Variants in IQCH observed in about 807,000 individuals in gnomAD.
The protein encoded by IQCH is IQ motif containing H, also known as IQ domain-containing protein H.
Under a neutral mutation model 117.0 loss-of-function variants are expected in IQCH, and 98 were observed. That is an observed-to-expected ratio of 0.84 (90% CI 0.71 to 0.99). The LOEUF is 0.99. Ranked by LOEUF, IQCH falls within the 50% of genes least tolerant of loss-of-function variation. The pLI, the probability that IQCH is intolerant of heterozygous loss-of-function variation, is 0.00. For synonymous variants in IQCH, 412 were observed against 448.2 expected, an observed-to-expected ratio of 0.92 and a Z score of 1.02; for missense variants, 1,102 against 1,243.8, an observed-to-expected ratio of 0.89 and a Z score of 1.72.
rs187859323 is a variant in IQCH, at chr15:67,389,475, C to G, written c.1632+469C>G. On this transcript the variant is annotated intron_variant, in intron 12 of 20. Coordinates refer to ENST00000335894, the MANE Select transcript of IQCH (RefSeq NM_001031715.3). ...CAGATGGTTCCTAATGAACAATGTT[C>G]AGGTTTTTTTTTTTTAATTGGGCTG... Among the ~76,000 whole-genome samples, 264 of 151,716 alleles carry G rather than the reference C, an allele frequency of 1.7e-3. 1 individual carries two copies. Among genetic ancestry groups the G allele is most frequent in the African/African-American group, 6.2e-3 (256 of 41,358 alleles).
intron 4 of IQCH, among the ~76,000 whole-genome samples, chr15:67,295,373 G>A (rs1370752848): frequency 6.6e-6 from 1 of 152,212 alleles, no homozygotes; most frequent in African/African-American, 2.4e-5. Context: ...ACTGGCTAAT[G>A]AAATGTAAGG....
At position 67,476,266 on chromosome 15, in the gene IQCH, C is replaced by T. The variant is rs1450392184; in HGVS notation, c.2799+448C>T. 6.6e-6 allele frequency among the ~76,000 whole-genome samples: 1 copy of T among 152,246 alleles called. No homozygotes were observed. The highest frequency in any genetic ancestry group is 1.9e-4 in the East Asian group (1 of 5,200). On this transcript the variant is annotated intron_variant, in intron 18 of 20. Transcript: ENST00000335894. The surrounding 1 kb of genome is among the most constrained non-coding windows in gnomAD (Gnocchi z 4.1). The stretch of plus-strand genomic sequence containing the variant: ...TCTCACTGTCTGGCAGCTGGTACAT[C>T]CAAGGACAAGGCACTAGCAGATTTG...
rs2081360014 is a variant in IQCH at position 67,408,319 on chromosome 15, G to T, written c.2097+8014G>T. The T allele has an allele frequency of 2.6e-5, 4 of 152,222 alleles. No homozygotes were observed. The highest frequency in any genetic ancestry group is 2.6e-4 in the Admixed American group (4 of 15,282). The allele number at this position is 152,222 out of a possible 1,614,324, so 9.4% of individuals were successfully genotyped here. On this transcript the variant is annotated intron_variant, in intron 14 of 20. Coordinates refer to ENST00000335894, the MANE Select transcript of IQCH (RefSeq NM_001031715.3). This position sits in a 1 kb window ranked among gnomAD's most constrained non-coding sequence, Gnocchi z 4.2. ...GTTTTACTCTCCTCTGACGGTGACTGCGCCATTTGCTTCTGGTCGTCTGTC... is the reference window on the plus strand; with the variant it reads ...GTTTTACTCTCCTCTGACGGTGACTTCGCCATTTGCTTCTGGTCGTCTGTC...
chr15:67,319,724 A>G (rs9806377), intron 4 of IQCH, among the ~76,000 whole-genome samples: 30,749 of 152,180 alleles, frequency 0.2, 3,965 homozygotes, highest in East Asian at 0.47. Context: ...TACTCAGAGC[A>G]TATTAGAGAC....
chr15:67,361,070 G>A (rs932475467), intron 8 of IQCH, among the ~76,000 whole-genome samples: 2 of 152,222 alleles, frequency 1.3e-5, no homozygotes, highest in African/African-American at 4.8e-5. Context: ...AACCGTCATA[G>A]CAGGCAGAAC....
Position 67,389,020 on chromosome 15 carries a change from C to G in IQCH, c.1632+14C>G. 1.2e-6 allele frequency: 2 copies of G among 1,604,922 alleles called. No individual in the cohort carries two copies. The highest frequency in any genetic ancestry group is 1.7e-6 in the Non-Finnish European group (2 of 1,172,856). ...AACATCTTCCCTGTGAGTTTGTGTTCTAATTACTATGGTTTCAGGGATGCA... is the reference window on the plus strand; with the variant it reads ...AACATCTTCCCTGTGAGTTTGTGTTGTAATTACTATGGTTTCAGGGATGCA... On this transcript the variant is annotated intron_variant, in intron 12 of 20. Transcript: ENST00000335894.
chr15:67,325,284 T>C (rs1968355505), intron 4 of IQCH, among the ~76,000 whole-genome samples: 1 of 152,168 alleles, frequency 6.6e-6, no homozygotes, highest in Admixed American at 6.5e-5. Flanking sequence ...TTAATTTCTC[T>C]GCCAAGATTT....
intron 1 of IQCH, chr15:67,255,205 C>A: frequency 3.7e-6 from 2 of 545,178 alleles, no homozygotes; most frequent in Non-Finnish European, 6.6e-6. Context: ...TCACCCGGAA[C>A]CTTTACTTCA....
At chr15:67,492,687 G>C (rs895126436) in intron 19 of IQCH, among the ~76,000 whole-genome samples, 7 of 152,166 alleles carry the variant, frequency 4.6e-5, no homozygotes, top group Admixed American at 4.6e-4. Flanking sequence ...TGACACTCAG[G>C]AGCAGGACGT....
chr15:67,309,444 C>G (rs1051848607), intron 4 of IQCH, among the ~76,000 whole-genome samples: 27 of 152,030 alleles, frequency 1.8e-4, no homozygotes, highest in African/African-American at 6.3e-4. Flanking sequence ...TCCCCTGCAC[C>G]AAGCAGTGTT....
At chr15:67,461,513 G>T (rs1454142483) in intron 16 of IQCH, among the ~76,000 whole-genome samples, 2 of 152,218 alleles carry the variant, frequency 1.3e-5, no homozygotes, top group South Asian at 4.1e-4. Context: ...CACAAAACAA[G>T]CATGCCTCAG....
chr15:67,320,578 A>G (rs902967619), intron 4 of IQCH, among the ~76,000 whole-genome samples: 3 of 152,216 alleles, frequency 2.0e-5, no homozygotes, highest in African/African-American at 7.2e-5. Context: ...ACAAAGAATC[A>G]TTACATTTTT....
In IQCH at chr15:67,474,359, G is replaced by A. The variant is rs1200881035; in HGVS notation, c.2677-1337G>A. 6.6e-6 allele frequency among the ~76,000 whole-genome samples: 1 copy of A among 152,070 alleles called. No individual in the cohort carries two copies. The highest frequency in any genetic ancestry group is 6.6e-5 in the Admixed American group (1 of 15,266). On this transcript the variant is annotated intron_variant, in intron 17 of 20. Coordinates refer to ENST00000335894, the MANE Select transcript of IQCH (RefSeq NM_001031715.3). The surrounding 1 kb of genome is among the most constrained non-coding windows in gnomAD (Gnocchi z 4.1). ...ACCTGTGCGTCACCACAGTTCAAGA[G>A]CCAAGCCAGGCACCTTTATCTTCTA...
intron 4 of IQCH, among the ~76,000 whole-genome samples, chr15:67,329,393 A>G (rs972515382): frequency 3.9e-5 from 6 of 152,182 alleles, no homozygotes; most frequent in African/African-American, 1.4e-4. Context: ...GCATCTCCAT[A>G]TATTAATTCA....
intron 14 of IQCH, among the ~76,000 whole-genome samples, chr15:67,415,714 C>A (rs2081559609): frequency 6.6e-6 from 1 of 152,108 alleles, no homozygotes. Flanking sequence ...CTGATCCCTT[C>A]AAATTACTGC....
rs1178467900 is a variant in IQCH at position 67,479,931 on chromosome 15, G to A, written c.2799+4113G>A. Among the ~76,000 whole-genome samples, 1 of 152,234 alleles carries A rather than the reference G, an allele frequency of 6.6e-6. No homozygotes were observed. The highest frequency in any genetic ancestry group is 1.5e-5 in the Non-Finnish European group (1 of 68,052). On this transcript the variant is annotated intron_variant, in intron 18 of 20. Transcript: ENST00000335894. This position sits in a 1 kb window ranked among gnomAD's most constrained non-coding sequence, Gnocchi z 4.6. ...TATTTTTCCTTGACACATATGGGAAGGGAGCATTGCTGAGTTTGTAAGCAA... is the reference window on the plus strand; with the variant it reads ...TATTTTTCCTTGACACATATGGGAAAGGAGCATTGCTGAGTTTGTAAGCAA...
intron 16 of IQCH, among the ~76,000 whole-genome samples, chr15:67,428,615 C>A (rs1184033637): frequency 6.6e-6 from 1 of 152,058 alleles, no homozygotes; most frequent in Non-Finnish European, 1.5e-5. Context: ...CTTTGGGAGA[C>A]CGAGGCGGGT....
Position 67,254,828 on chromosome 15 carries a change from G to T in IQCH, c.-69G>T. 1 of 1,523,708 alleles carries T rather than the reference G, an allele frequency of 6.6e-7. No homozygotes were observed. Among genetic ancestry groups the T allele is most frequent in the South Asian group, 1.2e-5 (1 of 85,766 alleles). 94.4% of individuals were successfully genotyped at this position (1,523,708 alleles called of 1,614,324 possible). On this transcript the variant is annotated 5_prime_UTR_variant, in exon 1 of 21. Coordinates refer to ENST00000335894, the MANE Select transcript of IQCH (RefSeq NM_001031715.3). ...GCGCGGTGTTGCCATGGGGACGAGCGGCTCCGGCTGAAGGTTTCCGTGCTT... is the reference window on the plus strand; with the variant it reads ...GCGCGGTGTTGCCATGGGGACGAGCTGCTCCGGCTGAAGGTTTCCGTGCTT...
rs1287229086 is a variant in IQCH at position 67,496,390 on chromosome 15, T to C, written c.2970+2024T>C. Among the ~76,000 whole-genome samples the C allele has an allele frequency of 6.6e-6, 1 of 152,146 alleles. No homozygotes were observed. The highest frequency in any genetic ancestry group is 2.4e-5 in the African/African-American group (1 of 41,432). ...AAATAGAAGGTAACTTCCTCAACCTTATAAGGACATCTACCAAAAAACCCA... is the reference window on the plus strand; with the variant it reads ...AAATAGAAGGTAACTTCCTCAACCTCATAAGGACATCTACCAAAAAACCCA... On this transcript the variant is annotated intron_variant, in intron 20 of 20. Transcript: ENST00000335894. This position sits in a 1 kb window ranked among gnomAD's most constrained non-coding sequence, Gnocchi z 4.4.
Sources: allele counts gnomAD v4.1 joint callset (sites outside exome capture counted in the v4.1 genomes callset), GRCh38; gene constraint gnomAD v4.1.1; non-coding constraint Gnocchi (gnomAD v3.1); transcripts MANE v1.5; gene names NCBI Gene and HGNC (gene_info 2026-07-23, HGNC 2026-07-21).